The following ATP12A variants were observed in gnomAD, a reference collection of about 807,000 sequenced individuals.
ATP12A encodes the protein ATPase H+/K+ transporting non-gastric alpha2 subunit, also known as potassium-transporting ATPase alpha chain 2.
A neutral mutation model predicts 111.2 loss-of-function variants in ATP12A; 81 were observed. The ratio of observed to expected loss-of-function variants is 0.73; its 90% CI spans 0.61 to 0.88. The LOEUF (loss-of-function observed/expected upper bound fraction) is 0.88, where lower values mean the gene tolerates loss of function less well. Ranked by LOEUF, ATP12A falls within the 40% of genes least tolerant of loss-of-function variation. The pLI, the probability that ATP12A is intolerant of heterozygous loss-of-function variation, is 0.00. For synonymous variants in ATP12A, 498 were observed against 499.8 expected (o/e 1.00, Z 0.05); for missense variants, 1,196 against 1,313.1 (o/e 0.91, Z 1.38).
intron 8 of ATP12A, among the ~76,000 whole-genome samples, 158 bp downstream of exon 8, chr13:24,691,408 C>T (rs569764174): frequency 1.3e-5 from 2 of 152,320 alleles, no homozygotes; most frequent in East Asian, 3.9e-4. Flanking sequence ...CTGTTCCTTA[C>T]AGAGACAAAA....
chr13:24,711,207 G>A (rs529485199), intron 21 of ATP12A, 111 bp from the exon 22 acceptor site: 173 of 1,047,770 alleles, frequency 1.7e-4, no homozygotes, highest in African/African-American at 7.6e-4. Context: ...TGGATTTGTC[G>A]TTCTTTGCAG....
Position 24,691,010 on chromosome 13 carries a change from G to A in ATP12A, c.828G>A (p.Thr276=), listed in dbSNP as rs576313642. 1.1e-4 allele frequency: 178 copies of A among 1,614,170 alleles called. No individual in the cohort carries two copies. Among genetic ancestry groups the A allele is most frequent in the Non-Finnish European group, 1.4e-4 (171 of 1,180,012 alleles). Residue 276 remains threonine (T), a synonymous_variant, in exon 8 of 23, where the codon ACG becomes ACA. Transcript: ENST00000381946. Reference sequence around the variant, plus strand: ...CTGTCACCGGCATGGTTATCAACACGGGTGACCGCACCATCATTGGCCATA... The same window carrying A: ...CTGTCACCGGCATGGTTATCAACACAGGTGACCGCACCATCATTGGCCATA... ...EGTVTGMVIN[T]GDRTIIGHIA...
chr13:24,688,502 A>G lies in ATP12A; in HGVS notation c.412A>G (p.Lys138Glu), dbSNP rs1458771909. 6 of 1,602,344 alleles carry G rather than the reference A, an allele frequency of 3.7e-6. No individual in the cohort carries two copies. Among genetic ancestry groups the G allele is most frequent in the Non-Finnish European group, 5.1e-6 (6 of 1,172,424 alleles). ...IAYGIQYSSDKSASLNNVYLG... is the reference protein window; with the variant it reads ...IAYGIQYSSDESASLNNVYLG... ...ATATGGGATTCAGTACTCCAGCGACAAGTCTGCATCCCTGAACAACGTAAG... is the reference window on the plus strand; with the variant it reads ...ATATGGGATTCAGTACTCCAGCGACGAGTCTGCATCCCTGAACAACGTAAG... Residue 138 changes from lysine to glutamate, a missense_variant, in exon 4 of 23, where the codon AAG becomes GAG. This residue lies in a region of ATP12A where 1,126 missense variants were observed against 1,228.5 expected (regional missense o/e 0.92). Coordinates refer to ENST00000381946, the MANE Select transcript of ATP12A (RefSeq NM_001676.7).
rs573675025 is a variant in ATP12A, at chr13:24,684,873, C to T, written c.169-441C>T. On this transcript the variant is annotated intron_variant, in intron 2 of 22. Coordinates refer to ENST00000381946, the MANE Select transcript of ATP12A (RefSeq NM_001676.7). ...CTTTTCCCTGCCAGAGCCCACACAG[C>T]GAAGGAGGAGGAGTTGTGCCAGCCC... is the stretch of plus-strand genomic sequence containing the variant. 3.9e-5 allele frequency among the ~76,000 whole-genome samples: 6 copies of T among 152,262 alleles called. No homozygotes were observed. The South Asian group carries it at 6.2e-4, about 16-fold the overall frequency.
chr13:24,690,765 T>C, intron 7 of ATP12A, 44 bp downstream of exon 7: 1 of 1,560,122 alleles, frequency 6.4e-7, no homozygotes, highest in South Asian at 1.2e-5. Context: ...ACCTGTGTCC[T>C]TTCTCCCTCC....
chr13:24,708,307 C>T (rs1875760377), intron 17 of ATP12A, among the ~76,000 whole-genome samples: 1 of 152,180 alleles, frequency 6.6e-6, no homozygotes, highest in South Asian at 2.1e-4. Flanking sequence ...CTTACGTGGG[C>T]AAGCAGGGAA....
intron 2 of ATP12A, among the ~76,000 whole-genome samples, chr13:24,684,748 G>A (rs1016163892): frequency 6.6e-6 from 1 of 152,234 alleles, no homozygotes; most frequent in African/African-American, 2.4e-5. Flanking sequence ...TTCACAAGTG[G>A]CAGCCACAAT....
intron 14 of ATP12A, among the ~76,000 whole-genome samples, chr13:24,703,291 G>A (rs901841668): frequency 1.3e-5 from 2 of 152,184 alleles, no homozygotes; most frequent in Admixed American, 6.5e-5. Flanking sequence ...CACCCACGCT[G>A]TAATGCAGTG....
At chr13:24,683,267 C>T (rs926294148) in intron 2 of ATP12A, among the ~76,000 whole-genome samples, 1 of 152,150 alleles carries the variant, frequency 6.6e-6, no homozygotes, top group African/African-American at 2.4e-5. Context: ...CCAAACTGGC[C>T]ACTTTAATAA....
intron 14 of ATP12A, among the ~76,000 whole-genome samples, chr13:24,702,325 C>T (rs1875431308): frequency 6.6e-6 from 1 of 152,208 alleles, no homozygotes; most frequent in South Asian, 2.1e-4. Flanking sequence ...TCCAGTGTGC[C>T]CTGGGCACAA....
At chr13:24,708,925 G>GA (rs1566078249) in intron 17 of ATP12A, among the ~76,000 whole-genome samples, 1 of 133,700 alleles carries the variant, frequency 7.5e-6, no homozygotes, top group Admixed American at 7.2e-5. Flanking sequence ...AAGAAAGAAA[G>GA]AAAGAAAGAA....
At position 24,690,483 on chromosome 13, in the gene ATP12A, A is replaced by G. The variant is rs2137696368; in HGVS notation, c.681+11A>G. 1 of 1,613,616 alleles carries G rather than the reference A, an allele frequency of 6.2e-7. No homozygotes were observed. Among genetic ancestry groups the G allele is most frequent in the Non-Finnish European group, 8.5e-7 (1 of 1,179,792 alleles). Reference sequence around the variant, plus strand: ...TCTCAGGGGTGTCGGGTAAGCGGCAAGGGGTATCCACCCCAAGGACCATGT... The same window carrying G: ...TCTCAGGGGTGTCGGGTAAGCGGCAGGGGGTATCCACCCCAAGGACCATGT... On this transcript the variant is annotated intron_variant, in intron 6 of 22. Coordinates refer to ENST00000381946, the MANE Select transcript of ATP12A (RefSeq NM_001676.7).
chr13:24,686,670 C>T (rs184342979), intron 3 of ATP12A, among the ~76,000 whole-genome samples: 13 of 151,986 alleles, frequency 8.6e-5, no homozygotes, highest in East Asian at 7.8e-4. Flanking sequence ...ACCTGGGAGG[C>T]GGAGCTTGCA....
In ATP12A at chr13:24,695,600, CTTTTTTT is replaced by C. The variant is rs34227271; in HGVS notation, c.1512+1040_1512+1046del. ...TGGAATTTAGGGTTAGGGAAGAACT[CTTTTTTT>C]TTTTTTTTTTTTTTTTTGAGAAGGA... On this transcript the variant is annotated intron_variant, in intron 11 of 22. Coordinates refer to ENST00000381946, the MANE Select transcript of ATP12A (RefSeq NM_001676.7). Among the ~76,000 whole-genome samples, 241 of 88,416 alleles carry C rather than the reference CTTTTTTT, an allele frequency of 2.7e-3. 1 individual carries two copies. Among genetic ancestry groups the C allele is most frequent in the Non-Finnish European group, 4.1e-3 (199 of 48,770 alleles). The allele number at this position is 88,416 out of a possible 152,430, so 58.0% of individuals were successfully genotyped here.
Position 24,692,885 on chromosome 13 carries a change from C to A in ATP12A, c.1366C>A (p.Pro456Thr). 1 of 1,613,780 alleles carries A rather than the reference C, an allele frequency of 6.2e-7. No individual in the cohort carries two copies. Among genetic ancestry groups the A allele is most frequent in the South Asian group, 1.1e-5 (1 of 91,052 alleles). The part of the protein sequence containing the change: ...AEFKPGQENV[P>T]IMKKAVIGDA... The stretch of plus-strand genomic sequence containing the variant: ...GTTCAAGCCAGGACAGGAAAATGTC[C>A]CCATCATGAAGGTAATGCTTCTGCA... Residue 456 changes from proline to threonine, a missense_variant, in exon 10 of 23, where the codon CCC (proline) becomes ACC (threonine). Physicochemically the swap from Pro to Thr is conservative, Grantham distance 38. Coordinates refer to ENST00000381946, the MANE Select transcript of ATP12A (RefSeq NM_001676.7).
chr13:24,682,168 A>ATATGTGTGTGGTG (rs1566068053), intron 2 of ATP12A, among the ~76,000 whole-genome samples: 2,852 of 63,854 alleles, frequency 0.045, 157 homozygotes, highest in African/African-American at 0.089. Context: ...TGGTGTGTGT[A>ATATGTGTGTGGTG]TGTGTGTGGT....
chr13:24,694,165 C>T (rs1181549945), intron 10 of ATP12A, among the ~76,000 whole-genome samples: 1 of 152,190 alleles, frequency 6.6e-6, no homozygotes, highest in East Asian at 1.9e-4. Flanking sequence ...CTCTGTGTAT[C>T]GGTAACCCAC....
rs773529375 is a variant in ATP12A, at chr13:24,702,073, T to A, written c.2018+2T>A. ...TGCTGTGGAGCAAGTTAACAAACGGTAAGCACAGGAGCAGCATAGTAAAAA... is the reference window on the plus strand; with the variant it reads ...TGCTGTGGAGCAAGTTAACAAACGGAAAGCACAGGAGCAGCATAGTAAAAA... On this transcript the variant is annotated splice_donor_variant, in intron 14 of 22. Coordinates refer to ENST00000381946, the MANE Select transcript of ATP12A (RefSeq NM_001676.7). LOFTEE classifies it high-confidence loss of function. 1 of 1,614,236 alleles carries A rather than the reference T, an allele frequency of 6.2e-7. No homozygotes were observed. Among genetic ancestry groups the A allele is most frequent in the Non-Finnish European group, 8.5e-7 (1 of 1,180,038 alleles).
chr13:24,682,108 ATGTGTGTGTGGTG>A (rs1439366917), intron 2 of ATP12A, among the ~76,000 whole-genome samples: 4 of 23,404 alleles, frequency 1.7e-4, no homozygotes, highest in South Asian at 3.1e-3. Flanking sequence ...TGTGTGTGTG[ATGTGTGTGTGGTG>A]TGTGTGTGTG....
Sources: gnomAD v4.1 joint callset for allele counts (sites outside exome capture counted in the v4.1 genomes callset) on GRCh38, gnomAD v4.1.1 for gene constraint, gnomAD v4.1.1 regional missense constraint, MANE v1.5 for transcripts, NCBI Gene and HGNC (gene_info 2026-07-23, HGNC 2026-07-21) for gene names.